Variants in HNRNPH2 observed in about 807,000 individuals in gnomAD.
HNRNPH2 encodes the protein heterogeneous nuclear ribonucleoprotein H2.
For missense variants in HNRNPH2, 115 were observed against 352.9 expected (o/e 0.33, Z 5.40); for synonymous variants, 128 against 128.2 (o/e 1.00, Z 0.01).
chrX:101,409,756 C>A (rs1555987809), intron 1 of HNRNPH2, among the ~76,000 whole-genome samples: 1 of 111,144 alleles, frequency 9.0e-6, no homozygotes, highest in African/African-American at 3.3e-5. Flanking sequence ...TACGTATATA[C>A]ATGCATGCCA....
Position 101,412,288 on chromosome X carries a change from A to C in HNRNPH2, c.300A>C (p.Thr100=). ...SVEMDWVLKH[T]GPNSPDTAND... ...AAATGGATTGGGTGTTGAAGCATAC[A>C]GGTCCGAATAGCCCTGATACTGCCA... The change falls in exon 2 of 2, where the codon ACA becomes ACC. Residue 100 remains threonine (T), a synonymous_variant. Coordinates refer to ENST00000316594, the MANE Select transcript of HNRNPH2 (RefSeq NM_019597.5). 8.3e-7 allele frequency: 1 copy of C among 1,210,682 alleles called. No homozygotes were observed. The highest frequency in any genetic ancestry group is 1.1e-6 in the Non-Finnish European group (1 of 894,516).
At position 101,411,967 on chromosome X, in the gene HNRNPH2, C is replaced by T. The variant is rs1457850254; in HGVS notation, c.-22C>T. ...CAAAATTGCATTGAGCCAAACTTGC[C>T]ACCAAGAGCCCAACAATCACCATGA... is the stretch of plus-strand genomic sequence containing the variant. On this transcript the variant is annotated 5_prime_UTR_variant, in exon 2 of 2. Transcript: ENST00000316594. 1 of 1,163,766 alleles carries T rather than the reference C, an allele frequency of 8.6e-7. No homozygotes were observed.
chrX:101,412,003 G>A lies in HNRNPH2; in HGVS notation c.15G>A (p.Thr5=), dbSNP rs149708053. The part of the protein sequence containing the change: MMLS[T]EGREGFVVKV... Reference sequence around the variant, plus strand: ...CAACAATCACCATGATGCTGAGCACGGAAGGCAGGGAGGGGTTCGTGGTGA... The same window carrying A: ...CAACAATCACCATGATGCTGAGCACAGAAGGCAGGGAGGGGTTCGTGGTGA... The change falls in exon 2 of 2, where the codon ACG becomes ACA. Residue 5 remains threonine, a synonymous_variant. Coordinates refer to ENST00000316594, the MANE Select transcript of HNRNPH2 (RefSeq NM_019597.5). 2.2e-4 allele frequency: 269 copies of A among 1,204,922 alleles called. 2 individuals are homozygous for A. The African/African-American group carries it at 3.8e-3, about 17-fold the overall frequency.
chrX:101,409,620 C>T (rs1395092562), intron 1 of HNRNPH2, among the ~76,000 whole-genome samples: 1 of 111,717 alleles, frequency 9.0e-6, no homozygotes, highest in East Asian at 2.8e-4. Context: ...AATCCCAGTA[C>T]AGCAAATGTA....
In HNRNPH2 at chrX:101,413,199, A is replaced by G. The variant is rs1186495119; in HGVS notation, c.1211A>G (p.Asn404Ser). The G allele has an allele frequency of 3.3e-6, 4 of 1,209,938 alleles. No homozygotes were observed. The highest frequency in any genetic ancestry group is 4.5e-6 in the Non-Finnish European group (4 of 895,222). ...SQMMGGMGLSNQSSYGGPASQ... is the reference protein window; with the variant it reads ...SQMMGGMGLSSQSSYGGPASQ... Reference sequence around the variant, plus strand: ...ATGATGGGAGGGATGGGCTTATCCAACCAGTCTAGTTATGGAGGTCCTGCT... The same window carrying G: ...ATGATGGGAGGGATGGGCTTATCCAGCCAGTCTAGTTATGGAGGTCCTGCT... The change falls in exon 2 of 2, where the codon AAC (asparagine) becomes AGC (serine). Residue 404 changes from asparagine (N) to serine (S), a missense_variant. Physicochemically the swap from Asn to Ser is conservative, Grantham distance 46. Transcript: ENST00000316594.
chrX:101,408,563 C>G (rs1372276189), intron 1 of HNRNPH2, among the ~76,000 whole-genome samples: 1 of 110,542 alleles, frequency 9.0e-6, no homozygotes, highest in Admixed American at 9.6e-5. Flanking sequence ...CTCGGGGGAC[C>G]CCTAAGGGTG....
At chrX:101,408,451 C>T (rs782187433) in intron 1 of HNRNPH2, 132 bp downstream of exon 1, 72 of 154,358 alleles carry the variant, frequency 4.7e-4, no homozygotes, top group Non-Finnish European at 7.5e-4. Context: ...CTCCTCCCCC[C>T]CATCTCAGTG....
intron 1 of HNRNPH2, among the ~76,000 whole-genome samples, chrX:101,411,404 ATTTTTTTT>A (rs782617767): frequency 8.2e-5 from 4 of 48,949 alleles, no homozygotes; most frequent in East Asian, 5.6e-4. Flanking sequence ...GTTGCTGTTA[ATTTTTTTT>A]TTTTTTTTTT....
chrX:101,413,391 G>A lies in HNRNPH2; in HGVS notation c.*53G>A, dbSNP rs1318837011. The A allele has an allele frequency of 1.4e-5, 14 of 1,016,177 alleles. No individual in the cohort carries two copies. Among genetic ancestry groups the A allele is most frequent in the Non-Finnish European group, 1.6e-5 (12 of 748,947 alleles). 83.7% of individuals were successfully genotyped at this position (1,016,177 alleles called of 1,213,427 possible). A position where few individuals can be genotyped will look rare whatever the true frequency, so the allele number is the denominator to read the frequency against. On this transcript the variant is annotated 3_prime_UTR_variant, in exon 2 of 2. Coordinates refer to ENST00000316594, the MANE Select transcript of HNRNPH2 (RefSeq NM_019597.5). ...CCAGATATAAAAGCTGTACATTTGT[G>A]GGAGTTGAATAGAATGGGAGGGATG...
chrX:101,409,262 A>G (rs2147490679), intron 1 of HNRNPH2, among the ~76,000 whole-genome samples: 1 of 112,596 alleles, frequency 8.9e-6, no homozygotes, highest in African/African-American at 3.2e-5. Flanking sequence ...GCAGTGTGCT[A>G]GGCACATAAT....
Position 101,412,294 on chromosome X carries a change from G to C in HNRNPH2, c.306G>C (p.Pro102=). The C allele has an allele frequency of 8.3e-7, 1 of 1,210,349 alleles. No individual in the cohort carries two copies. Among genetic ancestry groups the C allele is most frequent in the Non-Finnish European group, 1.1e-6 (1 of 894,388 alleles). ...ATTGGGTGTTGAAGCATACAGGTCC[G>C]AATAGCCCTGATACTGCCAACGATG... is the stretch of plus-strand genomic sequence containing the variant. ...EMDWVLKHTG[P]NSPDTANDGF... Residue 102 remains proline, a synonymous_variant, in exon 2 of 2, where the codon CCG becomes CCC. Coordinates refer to ENST00000316594, the MANE Select transcript of HNRNPH2 (RefSeq NM_019597.5).
Position 101,411,953 on chromosome X carries a change from T to C in HNRNPH2, c.-36T>C. ...TTTTTCAGCTACACCAAAATTGCAT[T>C]GAGCCAAACTTGCCACCAAGAGCCC... is the stretch of plus-strand genomic sequence containing the variant. On this transcript the variant is annotated 5_prime_UTR_variant, in exon 2 of 2. Coordinates refer to ENST00000316594, the MANE Select transcript of HNRNPH2 (RefSeq NM_019597.5). 8.7e-7 allele frequency: 1 copy of C among 1,150,275 alleles called. No individual in the cohort carries two copies. 94.8% of individuals were successfully genotyped at this position (1,150,275 alleles called of 1,213,427 possible).
chrX:101,411,538 C>T (rs889661949), intron 1 of HNRNPH2, among the ~76,000 whole-genome samples: 3 of 105,679 alleles, frequency 2.8e-5, no homozygotes, highest in Admixed American at 1.0e-4. Context: ...CTCAGCCTCC[C>T]GAGTAGCTGG....
chrX:101,409,492 T>G (rs1418191744), intron 1 of HNRNPH2, among the ~76,000 whole-genome samples: 8 of 112,367 alleles, frequency 7.1e-5, no homozygotes, highest in Non-Finnish European at 1.3e-4. Flanking sequence ...GAAGTAAAAG[T>G]AATTATTTCT....
chrX:101,411,404 A>AT (rs782617767), intron 1 of HNRNPH2, among the ~76,000 whole-genome samples: 1,586 of 48,930 alleles, frequency 0.032, 277 homozygotes, highest in Non-Finnish European at 0.048. Flanking sequence ...GTTGCTGTTA[A>AT]TTTTTTTTTT....
chrX:101,410,003 C>T (rs1928730263), intron 1 of HNRNPH2, among the ~76,000 whole-genome samples: 1 of 111,698 alleles, frequency 9.0e-6, no homozygotes, highest in African/African-American at 3.3e-5. Flanking sequence ...TGACTAGATT[C>T]CTGGAAGGAT....
chrX:101,411,013 G>A lies in HNRNPH2; in HGVS notation c.-53-923G>A, dbSNP rs1555988036. ...GCTTACACTCCACTCAGAGGGTCAT[G>A]GCAAGTATAATGTATATTTGCATTT... On this transcript the variant is annotated intron_variant, in intron 1 of 1. Transcript: ENST00000316594. Among the ~76,000 whole-genome samples, 3 of 111,752 alleles carry A rather than the reference G, an allele frequency of 2.7e-5. No homozygotes were observed. The South Asian group carries it at 1.1e-3, about 42-fold the overall frequency.
chrX:101,412,119 G>A lies in HNRNPH2; in HGVS notation c.131G>A (p.Arg44His). ...CKIQNGTSGI[R>H]FIYTREGRPS... Reference sequence around the variant, plus strand: ...ATCCAAAATGGCACATCAGGTATTCGTTTCATCTACACCAGAGAAGGCAGA... The same window carrying A: ...ATCCAAAATGGCACATCAGGTATTCATTTCATCTACACCAGAGAAGGCAGA... The change falls in exon 2 of 2, where the codon CGT (arginine) becomes CAT (histidine). Residue 44 changes from arginine to histidine, a missense_variant. Transcript: ENST00000316594. The A allele has an allele frequency of 2.5e-6, 3 of 1,210,806 alleles. No individual in the cohort carries two copies. Among genetic ancestry groups the A allele is most frequent in the Non-Finnish European group, 1.1e-6 (1 of 895,126 alleles).
chrX:101,411,886 A>G (rs781854293), intron 1 of HNRNPH2, 50 bp from the exon 2 acceptor site: 7 of 1,111,794 alleles, frequency 6.3e-6, no homozygotes, highest in South Asian at 4.6e-5. Context: ...TTCTCTTACT[A>G]TATCACGAGC....
Sources: gnomAD v4.1 joint callset for allele counts (sites outside exome capture counted in the v4.1 genomes callset) on GRCh38, gnomAD v4.1.1 for gene constraint, MANE v1.5 for transcripts, NCBI Gene and HGNC (gene_info 2026-07-23, HGNC 2026-07-21) for gene names.